The following ANKRD27 variants were observed in gnomAD, a reference collection of about 807,000 sequenced individuals.
The protein encoded by ANKRD27 is ankyrin repeat domain 27.
A neutral mutation model predicts 129.7 loss-of-function variants in ANKRD27; 112 were observed. The observed-to-expected ratio is 0.86, with a 90% CI of 0.74 to 1.01. The LOEUF is 1.01. ANKRD27 is among the 50% of genes least tolerant of loss of function. The probability of loss-of-function intolerance (pLI) is 0.00; values close to 1 mark genes in which losing one functional copy is unlikely to be tolerated. For missense variants in ANKRD27, 1,258 were observed against 1,300.5 expected, an observed-to-expected ratio of 0.97 and a Z score of 0.50; for synonymous variants, 516 against 511.2, an observed-to-expected ratio of 1.01 and a Z score of -0.13.
intron 1 of ANKRD27, among the ~76,000 whole-genome samples, chr19:32,665,562 C>G (rs1967736958): frequency 6.6e-6 from 1 of 151,970 alleles, no homozygotes; most frequent in African/African-American, 2.4e-5. Context: ...AGGGTTCACG[C>G]CATTCTCCTG....
chr19:32,641,087 G>A (rs543705124), intron 10 of ANKRD27, among the ~76,000 whole-genome samples: 1 of 151,800 alleles, frequency 6.6e-6, no homozygotes, highest in African/African-American at 2.4e-5. Flanking sequence ...ATTTTTAGTA[G>A]AGACAGGGTT....
chr19:32,608,399 T>C (rs2868154), intron 22 of ANKRD27: 206,230 of 352,862 alleles, frequency 0.58, 63,385 homozygotes, highest in Non-Finnish European at 0.67. Flanking sequence ...GGCGACGAGA[T>C]TCACTTGCTG....
At chr19:32,636,346 G>C (rs769162034) in intron 12 of ANKRD27, 2 of 155,844 alleles carry the variant, frequency 1.3e-5, no homozygotes, top group South Asian at 1.9e-4. Context: ...AATGGGTAAG[G>C]CCTCTGTAAA....
Position 32,619,243 on chromosome 19 carries a change from T to A in ANKRD27, c.2007+17A>T. ...GCCAAGGCCTCCCCTCCCCAGCCCT[T>A]CCTCTGGAAGCCTCACCTCTCTGTA... On this transcript the variant is annotated intron_variant, in intron 20 of 28. Transcript: ENST00000306065. The A allele has an allele frequency of 6.2e-7, 1 of 1,602,578 alleles. No individual in the cohort carries two copies. The highest frequency in any genetic ancestry group is 8.5e-7 in the Non-Finnish European group (1 of 1,173,442).
At chr19:32,663,528 A>T (rs999617294) in intron 1 of ANKRD27, among the ~76,000 whole-genome samples, 6 of 152,186 alleles carry the variant, frequency 3.9e-5, no homozygotes, top group African/African-American at 1.4e-4. Context: ...GTGTCTAATT[A>T]TATTTCTCCA....
chr19:32,622,421 C>A lies in ANKRD27; in HGVS notation c.1827+1G>T, dbSNP rs1034553256. On this transcript the variant is annotated splice_donor_variant, in intron 18 of 28. Transcript: ENST00000306065. LOFTEE classifies it high-confidence loss of function. ...TGCCCCTCAGAGATGGGAAGAGCTA[C>A]CTTTGAGTTTAATGCACACTTGAGG... The A allele has an allele frequency of 6.2e-7, 1 of 1,613,630 alleles. No individual in the cohort carries two copies. Among genetic ancestry groups the A allele is most frequent in the Non-Finnish European group, 8.5e-7 (1 of 1,179,986 alleles).
At chr19:32,635,140 T>A (rs1437910375) in intron 12 of ANKRD27, among the ~76,000 whole-genome samples, 6 of 152,046 alleles carry the variant, frequency 3.9e-5, no homozygotes, top group Admixed American at 3.9e-4. Context: ...AGCAAGGGGA[T>A]GGGAGCATCT....
In ANKRD27 at chr19:32,660,970, G is replaced by A. The variant is rs146645711; in HGVS notation, c.-30-1925C>T. ...CACAGCACCTGGGGAGGATGAGGTAGGAGGATCACTTGAGGTCAAGAGGTC... is the reference window on the plus strand; with the variant it reads ...CACAGCACCTGGGGAGGATGAGGTAAGAGGATCACTTGAGGTCAAGAGGTC... On this transcript the variant is annotated intron_variant, in intron 1 of 28. Transcript: ENST00000306065. Among the ~76,000 whole-genome samples, 106 of 151,586 alleles carry A rather than the reference G, an allele frequency of 7.0e-4. 2 individuals are homozygous for A. The Middle Eastern group carries it at 0.014, about 19-fold the overall frequency.
At chr19:32,615,580 T>A in intron 22 of ANKRD27, 78 bp downstream of exon 22, 1 of 1,610,836 alleles carries the variant, frequency 6.2e-7, no homozygotes, top group Middle Eastern at 1.7e-4. Context: ...CGAGACCCTG[T>A]CTCAAAAAAC....
At position 32,653,728 on chromosome 19, in the gene ANKRD27, G is replaced by A. The variant is rs574707091; in HGVS notation, c.103-3936C>T. On this transcript the variant is annotated intron_variant, in intron 2 of 28. Transcript: ENST00000306065. ...GAAGGAAGGCGCTTCGAGGCGTGGC[G>A]TGGCGGGGGCGGGGACGGGGTGGGG... Among the ~76,000 whole-genome samples the A allele has an allele frequency of 5.5e-3, 830 of 150,960 alleles. 4 individuals are homozygous for A. Among genetic ancestry groups the A allele is most frequent in the Non-Finnish European group, 8.2e-3 (557 of 67,628 alleles).
chr19:32,624,292 G>A (rs58395110), intron 17 of ANKRD27, among the ~76,000 whole-genome samples: 14,080 of 151,726 alleles, frequency 0.093, 1,601 homozygotes, highest in East Asian at 0.32. Flanking sequence ...GCTTGAACCC[G>A]GGAGGCAGAG....
chr19:32,654,083 G>T (rs1204889524), intron 2 of ANKRD27, among the ~76,000 whole-genome samples: 1 of 152,130 alleles, frequency 6.6e-6, no homozygotes, highest in African/African-American at 2.4e-5. Flanking sequence ...TGTATTTTTA[G>T]TAGAGATAGG....
In ANKRD27 at chr19:32,628,100, T is replaced by C; in HGVS notation, c.1403A>G (p.His468Arg). 1 of 1,614,218 alleles carries C rather than the reference T, an allele frequency of 6.2e-7. No individual in the cohort carries two copies. The highest frequency in any genetic ancestry group is 2.2e-5 in the East Asian group (1 of 44,882). Residue 468 changes from histidine to arginine, a missense_variant, in exon 15 of 29, where the codon CAT (histidine) becomes CGT (arginine). Coordinates refer to ENST00000306065, the MANE Select transcript of ANKRD27 (RefSeq NM_032139.3). ...SRDDRGHTPLHVAAVCGQASL... is the reference protein window; with the variant it reads ...SRDDRGHTPLRVAAVCGQASL... ...CCACATACCACAGACAGCAGCCACATGGAGAGGGGTGTGCCCCCTGTCGTC... is the reference window on the plus strand; with the variant it reads ...CCACATACCACAGACAGCAGCCACACGGAGAGGGGTGTGCCCCCTGTCGTC...
chr19:32,643,109 G>A lies in ANKRD27; in HGVS notation c.782+14C>T. On this transcript the variant is annotated intron_variant, in intron 9 of 28. Coordinates refer to ENST00000306065, the MANE Select transcript of ANKRD27 (RefSeq NM_032139.3). ...CCTCTGAGGACACCAAGCCGCTGTGGCGCAAACCCTTACCTGAACTCCGGT... is the reference window on the plus strand; with the variant it reads ...CCTCTGAGGACACCAAGCCGCTGTGACGCAAACCCTTACCTGAACTCCGGT... 2 of 1,613,256 alleles carry A rather than the reference G, an allele frequency of 1.2e-6. No individual in the cohort carries two copies. The highest frequency in any genetic ancestry group is 2.2e-5 in the East Asian group (1 of 44,836).
At chr19:32,665,594 G>C (rs1967737652) in intron 1 of ANKRD27, among the ~76,000 whole-genome samples, 1 of 151,696 alleles carries the variant, frequency 6.6e-6, no homozygotes, top group Non-Finnish European at 1.5e-5. Context: ...CAAGTAGCTG[G>C]GACTACAGGC....
chr19:32,672,152 G>C (rs144888464), intron 1 of ANKRD27, among the ~76,000 whole-genome samples: 1 of 152,226 alleles, frequency 6.6e-6, no homozygotes, highest in Admixed American at 6.5e-5. Flanking sequence ...CCGCCCTTCC[G>C]GGGCTCTGAC....
intron 1 of ANKRD27, among the ~76,000 whole-genome samples, chr19:32,674,768 C>A (rs1391175210): frequency 6.6e-6 from 1 of 151,950 alleles, no homozygotes; most frequent in East Asian, 2.0e-4. Context: ...CCCGGCACCC[C>A]GGCCACACCC....
intron 2 of ANKRD27, among the ~76,000 whole-genome samples, chr19:32,652,418 C>A (rs537014684): frequency 6.6e-6 from 1 of 150,608 alleles, no homozygotes; most frequent in South Asian, 2.1e-4. Flanking sequence ...GGTGAAACCA[C>A]GTCTCTACTA....
In ANKRD27 at chr19:32,625,967, C is replaced by G; in HGVS notation, c.1537-1G>C. 6.2e-7 allele frequency: 1 copy of G among 1,604,030 alleles called. No individual in the cohort carries two copies. Among genetic ancestry groups the G allele is most frequent in the South Asian group, 1.1e-5 (1 of 89,020 alleles). On this transcript the variant is annotated splice_acceptor_variant, in intron 16 of 28. Transcript: ENST00000306065. LOFTEE classifies it high-confidence loss of function. ...TGGCCTTGTAGTGCAGCAGCAGCAGCTGCGGAGATAAAGGAAAGCGATGAG... is the reference window on the plus strand; with the variant it reads ...TGGCCTTGTAGTGCAGCAGCAGCAGGTGCGGAGATAAAGGAAAGCGATGAG...
Sources: allele counts gnomAD v4.1 joint callset (sites outside exome capture counted in the v4.1 genomes callset), GRCh38; gene constraint gnomAD v4.1.1; transcripts MANE v1.5; gene names NCBI Gene and HGNC (gene_info 2026-07-23, HGNC 2026-07-21).